CNIH3: variants seen among roughly 807,000 people sequenced by gnomAD.
CNIH3 encodes cornichon family AMPA receptor auxiliary protein 3, also known as protein cornichon homolog 3.
Under a neutral mutation model 24.1 loss-of-function variants are expected in CNIH3, and 14 were observed. That is an observed-to-expected ratio of 0.58 (90% CI 0.38 to 0.91). The LOEUF (loss-of-function observed/expected upper bound fraction) is 0.91. Ranked by LOEUF, CNIH3 falls within the 40% of genes least tolerant of loss-of-function variation. The pLI is 0.00. For synonymous variants in CNIH3, 68 were observed against 73.8 expected, an observed-to-expected ratio of 0.92 and a Z score of 0.40; for missense variants, 178 against 196.8, an observed-to-expected ratio of 0.90 and a Z score of 0.57.
chr1:224,479,143 T>TA (rs1676701882), intron 1 of CNIH3, among the ~76,000 whole-genome samples: 1 of 101,574 alleles, frequency 9.8e-6, no homozygotes, highest in African/African-American at 4.0e-5. Flanking sequence ...TCCCCCAAAG[T>TA]CTTTTTTTTT....
intron 4 of CNIH3, among the ~76,000 whole-genome samples, chr1:224,578,973 G>A (rs1301475302): frequency 6.6e-6 from 1 of 151,760 alleles, no homozygotes; most frequent in Non-Finnish European, 1.5e-5. Flanking sequence ...TTTCTTTGTC[G>A]ATGTCTTGTT....
intron 1 of CNIH3, among the ~76,000 whole-genome samples, chr1:224,671,059 G>C (rs1159021675): frequency 6.6e-6 from 1 of 152,230 alleles, no homozygotes; most frequent in Non-Finnish European, 1.5e-5. Context: ...ACGGCCTTTG[G>C]ACTTGAACCA....
intron 1 of CNIH3, chr1:224,459,217 C>T: frequency 1.0e-6 from 1 of 980,092 alleles, no homozygotes; most frequent in Non-Finnish European, 1.2e-6. Flanking sequence ...CAGCAGACAT[C>T]ATGTGACCTT....
chr1:224,737,116 T>TCATTTCAGTTTTGTTG (rs1689631454), intron 5 of CNIH3, among the ~76,000 whole-genome samples: 1 of 151,490 alleles, frequency 6.6e-6, no homozygotes, highest in African/African-American at 2.4e-5. Flanking sequence ...AGACTTTCCC[T>TCATTTCAGTTTTGTTG]CATTTCAGTT....
chr1:224,730,332 G>A (rs545443572), intron 3 of CNIH3, 130 bp from the exon 4 acceptor site: 29 of 628,626 alleles, frequency 4.6e-5, no homozygotes, highest in Non-Finnish European at 6.1e-5. Flanking sequence ...GTGGCTCTAC[G>A]TTGCTGCAGG....
rs111679833 is a variant in CNIH3, at chr1:224,491,371, T to C, written n.204-24370T>C. ...ATGGTGTGCTGGAACCGGCTCATAC[T>C]GGCTTGCAAGAACTGATTGTTAAAT... On this transcript the variant is annotated intron_variant and non_coding_transcript_variant, in intron 1 of 5. Coordinates refer to the CNIH3 transcript ENST00000471578. Among the ~76,000 whole-genome samples, 1,427 of 152,324 alleles carry C rather than the reference T, an allele frequency of 9.4e-3. 20 individuals carry two copies. Among genetic ancestry groups the C allele is most frequent in the African/African-American group, 0.033 (1,359 of 41,572 alleles).
chr1:224,531,860 A>C (rs1203791931), intron 2 of CNIH3, among the ~76,000 whole-genome samples: 1 of 152,172 alleles, frequency 6.6e-6, no homozygotes, highest in Non-Finnish European at 1.5e-5. Flanking sequence ...AAGTGGAGGA[A>C]GTCTATTTGG....
At chr1:224,574,651 T>C in intron 4 of CNIH3, 1 of 941,316 alleles carries the variant, frequency 1.1e-6, no homozygotes. Context: ...TGTGAGGAGC[T>C]CTTCATCACC....
chr1:224,635,202 A>G (rs1175405272), intron 1 of CNIH3, among the ~76,000 whole-genome samples: 1 of 152,116 alleles, frequency 6.6e-6, no homozygotes, highest in African/African-American at 2.4e-5. Flanking sequence ...CTTTTAAACC[A>G]TCAGATCTTG....
chr1:224,436,871 T>C (rs1286691883), intron 1 of CNIH3: 1 of 152,278 alleles, frequency 6.6e-6, no homozygotes, highest in East Asian at 1.9e-4. Flanking sequence ...ATTGCTCCTC[T>C]TCAGGGACCT....
At chr1:224,733,912 G>T (rs576883146) in intron 4 of CNIH3, among the ~76,000 whole-genome samples, 6 of 152,216 alleles carry the variant, frequency 3.9e-5, no homozygotes, top group Admixed American at 3.9e-4. Flanking sequence ...CTCCTCAGGG[G>T]CTGTGGCCAG....
chr1:224,555,193 C>G (rs1248568974), intron 3 of CNIH3, among the ~76,000 whole-genome samples: 11 of 152,164 alleles, frequency 7.2e-5, no homozygotes. Context: ...AAAGATTGAG[C>G]CACTTGCCCC....
chr1:224,467,833 G>T (rs1026997455), intron 1 of CNIH3, among the ~76,000 whole-genome samples: 23 of 150,304 alleles, frequency 1.5e-4, no homozygotes, highest in African/African-American at 5.1e-4. Context: ...TACATGGTAT[G>T]TTTAAATCAA....
intron 1 of CNIH3, among the ~76,000 whole-genome samples, chr1:224,657,442 C>T (rs7513212): frequency 1.3e-5 from 2 of 151,742 alleles, no homozygotes; most frequent in Admixed American, 1.3e-4. Context: ...AGAAATATGC[C>T]TCACATTTTA....
At chr1:224,590,549 C>T (rs1287953096), downstream of CNIH3, among the ~76,000 whole-genome samples, 4 of 152,236 alleles carry the variant, frequency 2.6e-5, no homozygotes, top group East Asian at 5.8e-4. Flanking sequence ...CTGGTGAGGG[C>T]CTTCTTGCTG....
chr1:224,518,830 G>A (rs1678503002), intron 1 of CNIH3, among the ~76,000 whole-genome samples: 1 of 152,164 alleles, frequency 6.6e-6, no homozygotes, highest in Admixed American at 6.5e-5. Flanking sequence ...GCCAGCCTTT[G>A]GATTTCGAGT....
intron 4 of CNIH3, among the ~76,000 whole-genome samples, chr1:224,569,442 C>T (rs1680723006): frequency 6.6e-6 from 1 of 152,128 alleles, no homozygotes; most frequent in Admixed American, 6.5e-5. Context: ...TGAATGTTTG[C>T]ATTGTTTCCA....
chr1:224,739,147 G>A (rs931746344), intron 5 of CNIH3, among the ~76,000 whole-genome samples, 182 bp from the exon 6 acceptor site: 1 of 152,086 alleles, frequency 6.6e-6, no homozygotes, highest in African/African-American at 2.4e-5. Context: ...TTCCAGTGTT[G>A]TGGGAAGTAG....
At chr1:224,686,013 T>G (rs926073620) in intron 3 of CNIH3, among the ~76,000 whole-genome samples, 1 of 150,754 alleles carries the variant, frequency 6.6e-6, no homozygotes, top group Non-Finnish European at 1.5e-5. Flanking sequence ...CAGTACTACT[T>G]TTTTTTTTAA....
Sources: gnomAD v4.1 joint callset for allele counts (sites outside exome capture counted in the v4.1 genomes callset) on GRCh38, gnomAD v4.1.1 for gene constraint, MANE v1.5 for transcripts, NCBI Gene and HGNC (gene_info 2026-07-23, HGNC 2026-07-21) for gene names.